The following MAGI2 variants were observed in gnomAD, a reference collection of about 807,000 sequenced individuals.
MAGI2 encodes membrane-associated guanylate kinase, WW and PDZ domain-containing protein 2.
In MAGI2, 35 loss-of-function variants were observed where a neutral mutation model predicts 133.3. The observed-to-expected ratio is 0.26, with a 90% CI of 0.20 to 0.35. The LOEUF is 0.35. Ranked by LOEUF, MAGI2 falls within the 10% of genes least tolerant of loss-of-function variation. The pLI, the probability that MAGI2 is intolerant of heterozygous loss-of-function variation, is 1.00. For missense variants in MAGI2, 1,636 were observed against 1,863.4 expected (o/e 0.88, Z 2.25); for synonymous variants, 729 against 710.6 (o/e 1.03, Z -0.41).
chr7:79,166,133 G>A (rs1003417077), intron 1 of MAGI2, among the ~76,000 whole-genome samples: 3 of 152,028 alleles, frequency 2.0e-5, no homozygotes, highest in African/African-American at 7.2e-5. Flanking sequence ...CATGTGGTAG[G>A]CAGAACTCTA....
chr7:79,065,877 A>G (rs533926093), intron 1 of MAGI2, among the ~76,000 whole-genome samples: 1 of 152,302 alleles, frequency 6.6e-6, no homozygotes, highest in East Asian at 1.9e-4. Context: ...ATGTCCCTGC[A>G]AAGGACAAGA....
intron 12 of MAGI2, among the ~76,000 whole-genome samples, chr7:78,190,550 G>A (rs1828105885): frequency 1.3e-5 from 2 of 152,132 alleles, no homozygotes; most frequent in South Asian, 2.1e-4. Context: ...GACAAGGATT[G>A]TCCAGGAAAC....
intron 1 of MAGI2, among the ~76,000 whole-genome samples, chr7:79,263,349 A>G (rs1229192592): frequency 6.6e-6 from 1 of 152,050 alleles, no homozygotes; most frequent in Non-Finnish European, 1.5e-5. Context: ...ATGAAAGCCA[A>G]CAGTTACTCT....
chr7:78,760,072 T>C (rs77002624), intron 2 of MAGI2, among the ~76,000 whole-genome samples: 1 of 151,910 alleles, frequency 6.6e-6, no homozygotes, highest in Admixed American at 6.6e-5. Flanking sequence ...GCCAAGATCA[T>C]GCCACTGCAC....
chr7:78,368,086 G>A (rs965428599), intron 7 of MAGI2, among the ~76,000 whole-genome samples: 12 of 152,118 alleles, frequency 7.9e-5, no homozygotes, highest in African/African-American at 2.7e-4. Context: ...AGCCAAAATT[G>A]GGGCTTTTCC....
intron 1 of MAGI2, among the ~76,000 whole-genome samples, chr7:79,142,302 A>G (rs1822212509): frequency 6.6e-6 from 1 of 152,164 alleles, no homozygotes; most frequent in African/African-American, 2.4e-5. Context: ...TATCCCCTCT[A>G]ATTAAAGTGT....
At chr7:78,258,659 G>A (rs1257392643) in intron 9 of MAGI2, among the ~76,000 whole-genome samples, 1 of 151,986 alleles carries the variant, frequency 6.6e-6, no homozygotes, top group African/African-American at 2.4e-5. Flanking sequence ...TCCCTGGAAA[G>A]TATTTTACAT....
At chr7:79,188,528 G>C (rs557456552) in intron 1 of MAGI2, among the ~76,000 whole-genome samples, 1 of 151,688 alleles carries the variant, frequency 6.6e-6, no homozygotes, top group Non-Finnish European at 1.5e-5. Flanking sequence ...GTCTATCATT[G>C]ATGGGCATTT....
intron 20 of MAGI2, among the ~76,000 whole-genome samples, chr7:78,091,122 T>C (rs987108506): frequency 3.3e-5 from 5 of 151,988 alleles, no homozygotes; most frequent in African/African-American, 9.7e-5. Flanking sequence ...AATGATCGAT[T>C]GAATGATTTG....
At chr7:79,113,601 G>A (rs1819130033) in intron 1 of MAGI2, among the ~76,000 whole-genome samples, 2 of 152,164 alleles carry the variant, frequency 1.3e-5, no homozygotes, top group African/African-American at 4.8e-5. Context: ...TTAGTGATCT[G>A]TGAACTCAAG....
intron 3 of MAGI2, among the ~76,000 whole-genome samples, chr7:78,572,823 C>T (rs1425448160): frequency 6.6e-6 from 1 of 151,026 alleles, no homozygotes; most frequent in Non-Finnish European, 1.5e-5. Flanking sequence ...CCACCATGCC[C>T]AGCTAATTTT....
At chr7:78,958,388 C>T (rs759286805) in intron 2 of MAGI2, among the ~76,000 whole-genome samples, 3 of 152,056 alleles carry the variant, frequency 2.0e-5, no homozygotes, top group Non-Finnish European at 2.9e-5. Flanking sequence ...TCTAAGACTC[C>T]CCAGATGTGT....
chr7:78,573,532 C>A lies in MAGI2; in HGVS notation c.539-51887G>T, dbSNP rs376896158. On this transcript the variant is annotated intron_variant, in intron 3 of 21. Coordinates refer to ENST00000354212, the MANE Select transcript of MAGI2 (RefSeq NM_012301.4). ...GCCCCATTCAAAAATAGCAGCCTTT[C>A]GGGTCGCTTGATAAATGGGCCGGAG... Among the ~76,000 whole-genome samples the A allele has an allele frequency of 2.6e-3, 377 of 145,314 alleles. 1 individual carries two copies. Among genetic ancestry groups the A allele is most frequent in the African/African-American group, 8.9e-3 (344 of 38,794 alleles).
chr7:79,257,579 C>T (rs1165745291), intron 1 of MAGI2, among the ~76,000 whole-genome samples: 1 of 152,128 alleles, frequency 6.6e-6, no homozygotes, highest in Admixed American at 6.5e-5. Context: ...CCAATCATCA[C>T]AGATGTCTTT....
intron 3 of MAGI2, among the ~76,000 whole-genome samples, chr7:78,597,338 G>T (rs1804716092): frequency 6.9e-6 from 1 of 144,576 alleles, no homozygotes; most frequent in Admixed American, 7.1e-5. Context: ...TAATTTTTGT[G>T]AAAATACATA....
intron 6 of MAGI2, among the ~76,000 whole-genome samples, chr7:78,435,441 G>A (rs1323103199): frequency 6.6e-6 from 1 of 152,114 alleles, no homozygotes; most frequent in Middle Eastern, 3.2e-3. Flanking sequence ...CTTCTCACCA[G>A]TGGACAGCTC....
chr7:79,263,234 G>A (rs879516618), intron 1 of MAGI2, among the ~76,000 whole-genome samples: 2 of 152,042 alleles, frequency 1.3e-5, no homozygotes, highest in African/African-American at 2.4e-5. Context: ...GACCTTCTAC[G>A]GTAAGGCACT....
intron 2 of MAGI2, among the ~76,000 whole-genome samples, chr7:78,850,770 C>T (rs1793062469): frequency 6.6e-6 from 1 of 152,030 alleles, no homozygotes; most frequent in African/African-American, 2.4e-5. Flanking sequence ...TCTTGCTATG[C>T]CCCCAAATTA....
At chr7:78,620,428 GTTTAGCTTAA>G (rs1399134740) in intron 3 of MAGI2, among the ~76,000 whole-genome samples, 1 of 151,962 alleles carries the variant, frequency 6.6e-6, no homozygotes, top group Non-Finnish European at 1.5e-5. Context: ...TCATAGCAGT[GTTTAGCTTAA>G]TTGCCTAGAA....
Sources: gnomAD v4.1 joint callset for allele counts (sites outside exome capture counted in the v4.1 genomes callset) on GRCh38, gnomAD v4.1.1 for gene constraint, MANE v1.5 for transcripts, NCBI Gene and HGNC (gene_info 2026-07-23, HGNC 2026-07-21) for gene names.